Variants in TMEM131L observed in about 807,000 individuals in gnomAD.
TMEM131L encodes transmembrane protein 131-like.
Under a neutral mutation model 192.2 loss-of-function variants are expected in TMEM131L, and 54 were observed. The ratio of observed to expected loss-of-function variants is 0.28; its 90% CI spans 0.23 to 0.35. TMEM131L has a LOEUF of 0.35. Among genes scored for constraint, TMEM131L ranks in the 10% least tolerant of loss-of-function variants. The probability of loss-of-function intolerance (pLI) is 1.00; values close to 1 mark genes in which losing one functional copy is unlikely to be tolerated. For missense variants in TMEM131L, 1,888 were observed against 1,972.9 expected (o/e 0.96, Z 0.82); for synonymous variants, 701 against 704.9 (o/e 0.99, Z 0.09).
At chr4:153,481,542 G>T in intron 3 of TMEM131L, among the ~76,000 whole-genome samples, 1 of 152,094 alleles carries the variant, frequency 6.6e-6, no homozygotes, top group East Asian at 1.9e-4. Context: ...TTTATTTTTA[G>T]TTTTATTTTT....
chr4:153,556,520 A>C (rs1728466485), intron 5 of TMEM131L, among the ~76,000 whole-genome samples: 1 of 152,236 alleles, frequency 6.6e-6, no homozygotes. Context: ...CTTAAAAAAA[A>C]AACTAGGACT....
chr4:153,467,091 C>T (rs955213894), intron 1 of TMEM131L, 120 bp from the exon 2 acceptor site: 11 of 990,636 alleles, frequency 1.1e-5, no homozygotes, highest in South Asian at 2.9e-5. Context: ...GCCTCTGTTC[C>T]CAGGAGGAAA....
intron 29 of TMEM131L, among the ~76,000 whole-genome samples, chr4:153,625,426 A>G (rs890253949): frequency 2.0e-5 from 3 of 152,124 alleles, no homozygotes; most frequent in African/African-American, 7.2e-5. Context: ...AAGAAAAACT[A>G]CAAGTGTGTC....
At chr4:153,558,918 C>T (rs1351808236) in intron 7 of TMEM131L, 4 of 152,182 alleles carry the variant, frequency 2.6e-5, no homozygotes, top group Non-Finnish European at 5.9e-5. Context: ...ATATACATTT[C>T]ATGAATCATT....
At chr4:153,632,997 T>G (rs1270323082) in intron 32 of TMEM131L, among the ~76,000 whole-genome samples, 159 bp downstream of exon 32, 1 of 151,652 alleles carries the variant, frequency 6.6e-6, no homozygotes, top group Non-Finnish European at 1.5e-5. Context: ...AGAGTTGCAC[T>G]GGGACTAAAC....
chr4:153,545,811 G>C (rs1737132060), intron 3 of TMEM131L, among the ~76,000 whole-genome samples: 1 of 152,116 alleles, frequency 6.6e-6, no homozygotes, highest in South Asian at 2.1e-4. Flanking sequence ...AGAGTGTGTG[G>C]AACAGGATCT....
intron 7 of TMEM131L, among the ~76,000 whole-genome samples, chr4:153,569,494 G>A (rs1329916772): frequency 2.0e-5 from 3 of 152,278 alleles, no homozygotes; most frequent in South Asian, 4.1e-4. Flanking sequence ...GCAATATCCG[G>A]TACAGTTTAT....
chr4:153,618,865 TCC>T (rs747732844), intron 26 of TMEM131L, among the ~76,000 whole-genome samples: 17 of 152,144 alleles, frequency 1.1e-4, no homozygotes, highest in Admixed American at 2.6e-4. Flanking sequence ...TCACTTTCCC[TCC>T]CTGTTCTACC....
chr4:153,586,073 C>A, intron 13 of TMEM131L, 136 bp from the exon 14 acceptor site: 1 of 586,092 alleles, frequency 1.7e-6, no homozygotes, highest in Non-Finnish European at 2.7e-6. Flanking sequence ...AAAAATATTC[C>A]AACTTTTGAT....
intron 3 of TMEM131L, among the ~76,000 whole-genome samples, chr4:153,487,717 T>TGTGA (rs1165788873): frequency 5.5e-5 from 8 of 145,386 alleles, no homozygotes; most frequent in Non-Finnish European, 1.1e-4. Flanking sequence ...TGTGTGTGTG[T>TGTGA]GTGAGAGAGA....
chr4:153,592,427 G>A, intron 17 of TMEM131L, 48 bp from the exon 18 acceptor site: 2 of 1,248,334 alleles, frequency 1.6e-6, no homozygotes, highest in Middle Eastern at 1.9e-4. Context: ...TCTCAGGAGG[G>A]ATGCTGTGTC....
chr4:153,504,214 G>A (rs929348983), intron 3 of TMEM131L, among the ~76,000 whole-genome samples: 13 of 142,274 alleles, frequency 9.1e-5, no homozygotes, highest in Non-Finnish European at 1.5e-4. Flanking sequence ...GTGATCCACC[G>A]CCTCGGCCTC....
At chr4:153,467,319 C>A (rs1730832480) in intron 2 of TMEM131L, 38 bp downstream of exon 2, 1 of 1,531,030 alleles carries the variant, frequency 6.5e-7, no homozygotes, top group East Asian at 2.5e-5. Context: ...TGTGGGTGTA[C>A]GAGGGAGGAG....
At chr4:153,481,695 C>G (rs1731951282) in intron 3 of TMEM131L, among the ~76,000 whole-genome samples, 1 of 152,118 alleles carries the variant, frequency 6.6e-6, no homozygotes, top group African/African-American at 2.4e-5. Context: ...GCCACCACGG[C>G]TGGCTGATTT....
chr4:153,573,235 GCGT>G (rs1729710171), intron 7 of TMEM131L, among the ~76,000 whole-genome samples: 1 of 152,234 alleles, frequency 6.6e-6, no homozygotes, highest in Non-Finnish European at 1.5e-5. Flanking sequence ...AACCACCACA[GCGT>G]CCTTTCTTTT....
At chr4:153,539,059 G>A (rs1448101952) in intron 3 of TMEM131L, among the ~76,000 whole-genome samples, 5 of 152,202 alleles carry the variant, frequency 3.3e-5, no homozygotes, top group Admixed American at 3.3e-4. Context: ...GGGCCAAAGA[G>A]CAACCTCTGT....
rs550389062 is a variant in TMEM131L at position 153,596,715 on chromosome 4, C to T, written c.2123+330C>T. Among the ~76,000 whole-genome samples the T allele has an allele frequency of 5.3e-5, 8 of 152,304 alleles. No homozygotes were observed. In the South Asian group the frequency reaches 6.2e-4, roughly 12 times the overall value. ...TCCTCTGTCCTTAGCATAGAAAGAT[C>T]GTTAAAGGACTGCTGTAGATATTTT... is the stretch of plus-strand genomic sequence containing the variant. On this transcript the variant is annotated intron_variant, in intron 20 of 34. Coordinates refer to ENST00000409959, the MANE Select transcript of TMEM131L (RefSeq NM_001131007.2).
chr4:153,469,437 A>G (rs538617508), intron 2 of TMEM131L, among the ~76,000 whole-genome samples: 1 of 152,298 alleles, frequency 6.6e-6, no homozygotes, highest in South Asian at 2.1e-4. Flanking sequence ...GAATTTTTTC[A>G]GCAAAAATTC....
intron 7 of TMEM131L, among the ~76,000 whole-genome samples, chr4:153,565,591 T>G (rs576466747): frequency 5.1e-4 from 78 of 152,330 alleles, no homozygotes; most frequent in Non-Finnish European, 9.8e-4. Flanking sequence ...TAGTAAATGC[T>G]ATATTGATTT....
Sources: gnomAD v4.1 joint callset for allele counts (sites outside exome capture counted in the v4.1 genomes callset) on GRCh38, gnomAD v4.1.1 for gene constraint, MANE v1.5 for transcripts, NCBI Gene and HGNC (gene_info 2026-07-23, HGNC 2026-07-21) for gene names.